Variants in TM9SF3 observed in about 807,000 individuals in gnomAD.
TM9SF3 encodes the protein SM-11044-binding protein.
TM9SF3 carries 14 observed loss-of-function variants against 78.6 expected under a neutral mutation model. The observed-to-expected ratio is 0.18, with a 90% CI of 0.12 to 0.28. The LOEUF is 0.28. TM9SF3 is among the 10% of genes least tolerant of loss of function. The probability of loss-of-function intolerance (pLI) is 1.00; values close to 1 mark genes in which losing one functional copy is unlikely to be tolerated. For missense variants in TM9SF3, 496 were observed against 721.9 expected (o/e 0.69, Z 3.59); for synonymous variants, 231 against 241.7 (o/e 0.96, Z 0.41).
intron 2 of TM9SF3, among the ~76,000 whole-genome samples, chr10:96,570,288 A>G (rs1043076835): frequency 1.3e-5 from 2 of 152,368 alleles, no homozygotes; most frequent in African/African-American, 4.8e-5. Context: ...TCACATATTT[A>G]AAACAATGTG....
At chr10:96,531,203 C>T (rs1402905496) in intron 10 of TM9SF3, among the ~76,000 whole-genome samples, 1 of 152,132 alleles carries the variant, frequency 6.6e-6, no homozygotes, top group Admixed American at 6.6e-5. Context: ...ACCTGGATGC[C>T]TTCTCTTGTC....
intron 2 of TM9SF3, among the ~76,000 whole-genome samples, chr10:96,570,831 T>C (rs1004629121): frequency 6.6e-6 from 1 of 152,200 alleles, no homozygotes; most frequent in African/African-American, 2.4e-5. Context: ...CTGCAACCTC[T>C]GCCTCCTGGA....
At chr10:96,535,489 G>A (rs556043459) in intron 9 of TM9SF3, among the ~76,000 whole-genome samples, 1 of 152,278 alleles carries the variant, frequency 6.6e-6, no homozygotes, top group South Asian at 2.1e-4. Flanking sequence ...ATTAAATTCA[G>A]TGTTAAAAAT....
chr10:96,523,030 T>TA (rs1232913388), intron 14 of TM9SF3, among the ~76,000 whole-genome samples: 1 of 151,908 alleles, frequency 6.6e-6, no homozygotes, highest in Admixed American at 6.6e-5. Flanking sequence ...CTCCTGTGTC[T>TA]AAAAGAGTGC....
chr10:96,537,825 A>C (rs1847978324), intron 9 of TM9SF3, among the ~76,000 whole-genome samples: 1 of 152,262 alleles, frequency 6.6e-6, no homozygotes. Flanking sequence ...ACTGGAGAAT[A>C]AATTCAACAG....
intron 1 of TM9SF3, among the ~76,000 whole-genome samples, chr10:96,580,828 C>A (rs1202469472): frequency 6.6e-6 from 1 of 152,084 alleles, no homozygotes; most frequent in Non-Finnish European, 1.5e-5. Context: ...TCTCAAAATT[C>A]TATAAAATAG....
intron 11 of TM9SF3, 142 bp from the exon 12 acceptor site, chr10:96,528,319 C>T: frequency 1.4e-6 from 1 of 723,870 alleles, no homozygotes; most frequent in Non-Finnish European, 2.1e-6. Flanking sequence ...CTTCTCTTAC[C>T]ATGTCTTCAT....
chr10:96,544,974 T>C (rs1482390741), intron 8 of TM9SF3, among the ~76,000 whole-genome samples: 3 of 152,190 alleles, frequency 2.0e-5, no homozygotes, highest in Non-Finnish European at 4.4e-5. Context: ...ATGTGTTTCA[T>C]AAGCTCTCTC....
chr10:96,555,381 C>A (rs1289549814), intron 5 of TM9SF3, among the ~76,000 whole-genome samples: 1 of 152,176 alleles, frequency 6.6e-6, no homozygotes, highest in East Asian at 1.9e-4. Flanking sequence ...TCTACCCAGT[C>A]TTCATATTCC....
rs1848280973 is a variant in TM9SF3, at chr10:96,559,756, T to A, written c.583-20A>T. 6.7e-7 allele frequency: 1 copy of A among 1,493,040 alleles called. No homozygotes were observed. Among genetic ancestry groups the A allele is most frequent in the Non-Finnish European group, 9.1e-7 (1 of 1,100,020 alleles). The allele number at this position is 1,493,040 out of a possible 1,614,324, so 92.5% of individuals were successfully genotyped here. A position where few individuals can be genotyped will look rare whatever the true frequency, so the allele number is the denominator to read the frequency against. On this transcript the variant is annotated intron_variant, in intron 4 of 14. Coordinates refer to ENST00000371142, the MANE Select transcript of TM9SF3 (RefSeq NM_020123.4). ...TTTTACCTAAAAAAAATTTTTTCATTTGAAAATAAAGGCCAGTAAACAAAT... is the reference window on the plus strand; with the variant it reads ...TTTTACCTAAAAAAAATTTTTTCATATGAAAATAAAGGCCAGTAAACAAAT...
At chr10:96,561,058 C>T (rs915087936) in intron 4 of TM9SF3, 12 of 328,162 alleles carry the variant, frequency 3.7e-5, no homozygotes, top group African/African-American at 2.6e-4. Flanking sequence ...ATCTCCTTTT[C>T]TGATCTGCCA....
At position 96,522,149 on chromosome 10, in the gene TM9SF3, A is replaced by G; in HGVS notation, c.*114T>C. On this transcript the variant is annotated 3_prime_UTR_variant, in exon 15 of 15. Coordinates refer to ENST00000371142, the MANE Select transcript of TM9SF3 (RefSeq NM_020123.4). ...GCCACCGACGAAAGAGAGACCCACA[A>G]AGTACCCAGTGTGTTAAAGCCCAAA... The G allele has an allele frequency of 1.2e-6, 1 of 834,354 alleles. No homozygotes were observed. The highest frequency in any genetic ancestry group is 1.6e-5 in the South Asian group (1 of 60,936). 51.7% of individuals were successfully genotyped at this position (834,354 alleles called of 1,614,324 possible).
intron 14 of TM9SF3, among the ~76,000 whole-genome samples, chr10:96,525,106 T>C (rs1847822777): frequency 6.6e-6 from 1 of 152,000 alleles, no homozygotes. Flanking sequence ...CAAGAAAAAT[T>C]TTTTTAACTC....
intron 1 of TM9SF3, among the ~76,000 whole-genome samples, chr10:96,584,580 G>A (rs1848609047): frequency 6.6e-6 from 1 of 152,206 alleles, no homozygotes; most frequent in Admixed American, 6.5e-5. Context: ...GGCCAAGGCA[G>A]GCAGATCACT....
In TM9SF3 at chr10:96,586,836, C is replaced by G; in HGVS notation, c.-1G>C. 1 of 1,214,870 alleles carries G rather than the reference C, an allele frequency of 8.2e-7. No individual in the cohort carries two copies. Among genetic ancestry groups the G allele is most frequent in the South Asian group, 3.7e-5 (1 of 26,738 alleles). 75.3% of individuals were successfully genotyped at this position (1,214,870 alleles called of 1,614,324 possible). ...CAAGAGCGCCAGGCAGCGGCCTCAT[C>G]CTCCGCGCCCCTCCGGCCCGGAGCC... On this transcript the variant is annotated 5_prime_UTR_variant, in exon 1 of 15. Coordinates refer to ENST00000371142, the MANE Select transcript of TM9SF3 (RefSeq NM_020123.4).
chr10:96,578,148 G>C (rs1391216805), intron 1 of TM9SF3, among the ~76,000 whole-genome samples: 1 of 152,030 alleles, frequency 6.6e-6, no homozygotes, highest in African/African-American at 2.4e-5. Flanking sequence ...ATCACCCTAA[G>C]ACTTAGACCC....
chr10:96,525,205 C>T (rs1847824220), intron 14 of TM9SF3, among the ~76,000 whole-genome samples: 1 of 151,968 alleles, frequency 6.6e-6, no homozygotes, highest in Admixed American at 6.6e-5. Context: ...GTGAACAATA[C>T]TCTGAAGAAA....
chr10:96,547,077 T>C (rs188875321), intron 8 of TM9SF3, among the ~76,000 whole-genome samples: 15 of 152,306 alleles, frequency 9.8e-5, no homozygotes, highest in Non-Finnish European at 1.0e-4. Context: ...CAGGTAATAG[T>C]AGTAAAGGAG....
rs1283987619 is a variant in TM9SF3, at chr10:96,520,891, T to G, written c.*1372A>C. On this transcript the variant is annotated 3_prime_UTR_variant, in exon 15 of 15. Transcript: ENST00000371142. ...GTCCCCTGTATGAGAGTAGCATAGT[T>G]TATAGCATACTTTTAAAAATGGCAT... The G allele has an allele frequency of 2.5e-6, 1 of 397,136 alleles. No individual in the cohort carries two copies. The highest frequency in any genetic ancestry group is 3.6e-5 in the East Asian group (1 of 28,030). 24.6% of individuals were successfully genotyped at this position (397,136 alleles called of 1,614,324 possible). A position where few individuals can be genotyped will look rare whatever the true frequency, so the allele number is the denominator to read the frequency against.
Sources: gnomAD v4.1 joint callset for allele counts (sites outside exome capture counted in the v4.1 genomes callset) on GRCh38, gnomAD v4.1.1 for gene constraint, MANE v1.5 for transcripts, NCBI Gene and HGNC (gene_info 2026-07-23, HGNC 2026-07-21) for gene names.